Variants in DIAPH2 observed in about 807,000 individuals in gnomAD.
DIAPH2 encodes protein diaphanous homolog 2.
Under a neutral mutation model 92.7 loss-of-function variants are expected in DIAPH2, and 35 were observed. The observed-to-expected ratio is 0.38, with a 90% confidence interval of 0.29 to 0.50. The LOEUF is 0.50. DIAPH2 is among the 20% of genes least tolerant of loss of function. The probability of loss-of-function intolerance (pLI) is 0.94; values close to 1 mark genes in which losing one functional copy is unlikely to be tolerated. For missense variants in DIAPH2, 701 were observed against 819.5 expected (o/e 0.86, Z 1.77); for synonymous variants, 301 against 280.4 (o/e 1.07, Z -0.73).
chrX:97,099,946 C>CT, intron 20 of DIAPH2, 151 bp downstream of exon 20: 1 of 312,722 alleles, frequency 3.2e-6, no homozygotes, highest in Non-Finnish European at 5.7e-6. Flanking sequence ...GAAAAAAATA[C>CT]TTTTTTACCT....
chrX:97,194,501 G>C (rs62595806), intron 22 of DIAPH2, among the ~76,000 whole-genome samples: 1 of 108,910 alleles, frequency 9.2e-6, no homozygotes, highest in Non-Finnish European at 1.9e-5. Flanking sequence ...AGCCAGGATG[G>C]TCTCGATCTC....
intron 10 of DIAPH2, among the ~76,000 whole-genome samples, chrX:96,935,544 A>G (rs767283697): frequency 7.7e-4 from 86 of 111,302 alleles, no homozygotes; most frequent in African/African-American, 2.7e-3. Flanking sequence ...TCCAAGAACT[A>G]CTGAGGACAA....
At chrX:97,157,151 C>A (rs1175439274) in intron 22 of DIAPH2, among the ~76,000 whole-genome samples, 1 of 110,415 alleles carries the variant, frequency 9.1e-6, no homozygotes, top group Non-Finnish European at 1.9e-5. Flanking sequence ...CCCATCTCTA[C>A]TAAAAATACA....
At chrX:97,375,295 A>C (rs2147723258) in intron 24 of DIAPH2, among the ~76,000 whole-genome samples, 1 of 111,286 alleles carries the variant, frequency 9.0e-6, no homozygotes, top group East Asian at 2.9e-4. Context: ...GTCTCTACTA[A>C]AAATACAAAA....
intron 22 of DIAPH2, 63 bp from the exon 23 acceptor site, chrX:97,247,652 C>A: frequency 9.3e-7 from 1 of 1,071,733 alleles, no homozygotes; most frequent in Non-Finnish European, 1.3e-6. Flanking sequence ...ATAATGTCTC[C>A]TTTTAGATGT....
chrX:96,896,028 G>A (rs1277293888), intron 5 of DIAPH2, among the ~76,000 whole-genome samples: 2 of 111,480 alleles, frequency 1.8e-5, no homozygotes, highest in African/African-American at 3.3e-5. Flanking sequence ...TTTTTGAAGT[G>A]GGTATTTACA....
chrX:97,356,095 A>G (rs994312016), intron 24 of DIAPH2, among the ~76,000 whole-genome samples: 13 of 111,802 alleles, frequency 1.2e-4, no homozygotes, highest in African/African-American at 3.9e-4. Context: ...CCATTGTGGT[A>G]TTATGTTCAG....
intron 17 of DIAPH2, among the ~76,000 whole-genome samples, chrX:97,008,219 G>A (rs1372583071): frequency 9.2e-6 from 1 of 108,590 alleles, no homozygotes; most frequent in South Asian, 4.1e-4. Context: ...GCATTCTTCA[G>A]TATGACATTG....
At chrX:97,431,115 C>T (rs1183758216) in intron 26 of DIAPH2, among the ~76,000 whole-genome samples, 1 of 112,179 alleles carries the variant, frequency 8.9e-6, no homozygotes. Context: ...GAGCACTACT[C>T]ATCTATAACT....
intron 26 of DIAPH2, among the ~76,000 whole-genome samples, chrX:97,563,853 G>T (rs772567937): frequency 1.2e-4 from 13 of 111,354 alleles, no homozygotes; most frequent in African/African-American, 4.2e-4. Flanking sequence ...ATTAGCTCAG[G>T]AAGGTGTTGT....
chrX:97,193,707 G>T (rs1343873598), intron 22 of DIAPH2, among the ~76,000 whole-genome samples: 1 of 111,834 alleles, frequency 8.9e-6, no homozygotes, highest in Non-Finnish European at 1.9e-5. Flanking sequence ...TTAATTACAT[G>T]TTATATGCAT....
chrX:96,884,767 G>C lies in DIAPH2; in HGVS notation c.587+3049G>C, dbSNP rs1332071901. The C allele has an allele frequency of 3.3e-6, 4 of 1,207,092 alleles. No homozygotes were observed. The Admixed American group carries it at 8.8e-5, about 27-fold the overall frequency. ...AATTCATGTCCTAGAGGACATGAAC[G>C]AGTTCACCGTGCATATTCTGGAAAC... On this transcript the variant is annotated intron_variant, in intron 5 of 26. Transcript: ENST00000324765.
chrX:96,716,124 G>C (rs1401463179), intron 1 of DIAPH2, among the ~76,000 whole-genome samples: 1 of 111,263 alleles, frequency 9.0e-6, no homozygotes, highest in East Asian at 2.8e-4. Context: ...ACAACATTTT[G>C]CAGATATGTT....
At chrX:97,301,832 G>GT (rs748138067) in intron 23 of DIAPH2, among the ~76,000 whole-genome samples, 1 of 111,131 alleles carries the variant, frequency 9.0e-6, no homozygotes, top group East Asian at 2.8e-4. Flanking sequence ...TAGCTTATCT[G>GT]TTTTTTTAAG....
At chrX:96,937,447 C>A in intron 11 of DIAPH2, 96 bp downstream of exon 11, 1 of 460,008 alleles carries the variant, frequency 2.2e-6, no homozygotes, top group Non-Finnish European at 3.7e-6. Context: ...CTTGTCTGCC[C>A]TCCCAATTTA....
chrX:96,978,445 C>A (rs942810845), intron 17 of DIAPH2, among the ~76,000 whole-genome samples: 5 of 109,689 alleles, frequency 4.6e-5, no homozygotes, highest in Middle Eastern at 4.7e-3. Flanking sequence ...ATTGAGCAAG[C>A]TAAATTTTGT....
intron 4 of DIAPH2, among the ~76,000 whole-genome samples, chrX:96,849,532 A>G (rs756912822): frequency 2.7e-5 from 3 of 111,459 alleles, no homozygotes; most frequent in Non-Finnish European, 3.8e-5. Flanking sequence ...CTATTTGTGT[A>G]GGGCCAATAC....
At chrX:96,949,175 A>G in intron 15 of DIAPH2, 136 bp downstream of exon 15, 1 of 370,343 alleles carries the variant, frequency 2.7e-6, no homozygotes, top group Non-Finnish European at 4.7e-6. Flanking sequence ...AAATAACTAT[A>G]CAGATTTTAT....
intron 26 of DIAPH2, among the ~76,000 whole-genome samples, chrX:97,458,305 CTT>C (rs199660141): frequency 2.2e-5 from 2 of 92,171 alleles, no homozygotes; most frequent in Non-Finnish European, 2.2e-5. Context: ...TTCTTTCGTT[CTT>C]TTTTTTTTTT....
Sources: allele counts gnomAD v4.1 joint callset (sites outside exome capture counted in the v4.1 genomes callset), GRCh38; gene constraint gnomAD v4.1.1; transcripts MANE v1.5; gene names NCBI Gene and HGNC (gene_info 2026-07-23, HGNC 2026-07-21).